Variants in IL18 observed in about 807,000 individuals in gnomAD.
IL18 encodes the protein interleukin-18.
In IL18, 8 loss-of-function variants were observed where a neutral mutation model predicts 14.2. That is an observed-to-expected ratio of 0.56 (90% CI 0.33 to 1.01). The LOEUF (loss-of-function observed/expected upper bound fraction) is 1.01. IL18 is among the 50% of genes least tolerant of loss of function. IL18 has a pLI of 0.03. For missense variants in IL18, 166 were observed against 231.1 expected (o/e 0.72, Z 1.83); for synonymous variants, 67 against 71.0 (o/e 0.94, Z 0.28).
chr11:112,144,193 G>A (rs754262883), intron 5 of IL18, among the ~76,000 whole-genome samples: 26 of 152,272 alleles, frequency 1.7e-4, no homozygotes, highest in Non-Finnish European at 2.8e-4. Flanking sequence ...GGCTAAAGAC[G>A]ATGATGACCT....
intron 1 of IL18, 89 bp downstream of exon 1, chr11:112,163,817 G>A (rs1187525292): frequency 6.6e-6 from 1 of 152,252 alleles, no homozygotes; most frequent in Non-Finnish European, 1.5e-5. Flanking sequence ...GATGCTAGAT[G>A]GTTTATATTC....
intron 1 of IL18, among the ~76,000 whole-genome samples, chr11:112,157,207 A>C (rs1199014876): frequency 6.6e-6 from 1 of 152,234 alleles, no homozygotes; most frequent in Non-Finnish European, 1.5e-5. Context: ...ATTAGTTATC[A>C]GTTGGTGAAA....
chr11:112,147,971 G>C (rs900434917), intron 5 of IL18, among the ~76,000 whole-genome samples: 10 of 152,128 alleles, frequency 6.6e-5, no homozygotes, highest in Admixed American at 5.2e-4. Context: ...AATAATAATG[G>C]AGAATAATAG....
intron 3 of IL18, among the ~76,000 whole-genome samples, chr11:112,151,739 G>GT (rs1178680803): frequency 6.6e-6 from 1 of 152,190 alleles, no homozygotes; most frequent in East Asian, 1.9e-4. Flanking sequence ...TCTAAAAGCT[G>GT]TGTTCTGGCC....
chr11:112,149,313 C>T (rs1866395701), intron 4 of IL18, among the ~76,000 whole-genome samples: 1 of 151,942 alleles, frequency 6.6e-6, no homozygotes, highest in African/African-American at 2.4e-5. Flanking sequence ...AACAAACAAA[C>T]AACCCCACAG....
At chr11:112,161,606 C>G (rs1289113187) in intron 1 of IL18, among the ~76,000 whole-genome samples, 2 of 152,174 alleles carry the variant, frequency 1.3e-5, no homozygotes, top group Non-Finnish European at 2.9e-5. Flanking sequence ...CGAGACCAGC[C>G]TGGCCAACAT....
rs545570851 is a variant in IL18, at chr11:112,156,558, T to C, written c.-8-1497A>G. Reference sequence around the variant, plus strand: ...CTGGGTTCAAGCGATTCTCCCATCTTAGCCTGGGACTCCCATCTGGGACCA... The same window carrying C: ...CTGGGTTCAAGCGATTCTCCCATCTCAGCCTGGGACTCCCATCTGGGACCA... On this transcript the variant is annotated intron_variant, in intron 1 of 5. Transcript: ENST00000280357. Among the ~76,000 whole-genome samples, 45 of 152,150 alleles carry C rather than the reference T, an allele frequency of 3.0e-4. 1 individual carries two copies. The highest frequency in any genetic ancestry group is 1.1e-3 in the African/African-American group (45 of 41,516).
At chr11:112,149,698 G>A (rs1379528307) in intron 4 of IL18, among the ~76,000 whole-genome samples, 1 of 150,714 alleles carries the variant, frequency 6.6e-6, no homozygotes, top group Non-Finnish European at 1.5e-5. Flanking sequence ...CCTCCTGCTT[G>A]AGCCTCCCAA....
At chr11:112,145,514 C>T (rs985251771) in intron 5 of IL18, among the ~76,000 whole-genome samples, 2 of 152,034 alleles carry the variant, frequency 1.3e-5, no homozygotes, top group Non-Finnish European at 1.5e-5. Flanking sequence ...CTGAGGCGGG[C>T]GGATCACAAG....
At position 112,143,574 on chromosome 11, in the gene IL18, G is replaced by T; in HGVS notation, c.*22C>A. 1 of 1,531,586 alleles carries T rather than the reference G, an allele frequency of 6.5e-7. No individual in the cohort carries two copies. The highest frequency in any genetic ancestry group is 9.0e-7 in the Non-Finnish European group (1 of 1,114,418). The allele number at this position is 1,531,586 out of a possible 1,614,324, so 94.9% of individuals were successfully genotyped here. A position where few individuals can be genotyped will look rare whatever the true frequency, so the allele number is the denominator to read the frequency against. On this transcript the variant is annotated 3_prime_UTR_variant, in exon 6 of 6. Coordinates refer to ENST00000280357, the MANE Select transcript of IL18 (RefSeq NM_001562.4). ...TGGGATTACAGGCGTGAGCCACTGC[G>T]CCCGGCATGAAATTTTAATAGCTAG... is the stretch of plus-strand genomic sequence containing the variant.
rs113439401 is a variant in IL18 at position 112,160,239 on chromosome 11, C to G, written c.-9+3667G>C. On this transcript the variant is annotated intron_variant, in intron 1 of 5. Coordinates refer to ENST00000280357, the MANE Select transcript of IL18 (RefSeq NM_001562.4). Reference sequence around the variant, plus strand: ...TTTTAATACTCTTCTACTTGGTTTTCTTGCTTCCAGACTCTCCTCCATTGT... The same window carrying G: ...TTTTAATACTCTTCTACTTGGTTTTGTTGCTTCCAGACTCTCCTCCATTGT... 7.3e-5 allele frequency among the ~76,000 whole-genome samples: 11 copies of G among 151,238 alleles called. 1 individual carries two copies. Among genetic ancestry groups the G allele is most frequent in the African/African-American group, 2.7e-4 (11 of 41,256 alleles).
chr11:112,153,571 A>G lies in IL18; in HGVS notation c.91+21T>C, dbSNP rs764942645. 4 of 1,527,886 alleles carry G rather than the reference A, an allele frequency of 2.6e-6. No individual in the cohort carries two copies. In the South Asian group the frequency reaches 4.8e-5, roughly 18 times the overall value. The allele number at this position is 1,527,886 out of a possible 1,614,324, so 94.6% of individuals were successfully genotyped here. On this transcript the variant is annotated intron_variant, in intron 3 of 5. Coordinates refer to ENST00000280357, the MANE Select transcript of IL18 (RefSeq NM_001562.4). ...GCAGATACTTAGTTTGCAAAGAAAAATAAATTCATTTCTACTTTACCATCA... is the reference window on the plus strand; with the variant it reads ...GCAGATACTTAGTTTGCAAAGAAAAGTAAATTCATTTCTACTTTACCATCA...
At chr11:112,151,064 G>A (rs1159949482) in intron 3 of IL18, 2 of 151,938 alleles carry the variant, frequency 1.3e-5, no homozygotes, top group African/African-American at 4.8e-5. Context: ...CTACCTCCTG[G>A]GTTTTATCCT....
intron 1 of IL18, among the ~76,000 whole-genome samples, chr11:112,163,184 T>G (rs1356786332): frequency 6.6e-6 from 1 of 152,182 alleles, no homozygotes; most frequent in Non-Finnish European, 1.5e-5. Context: ...TTTCCTTAAT[T>G]GTGAAAGAAA....
intron 4 of IL18, among the ~76,000 whole-genome samples, 177 bp downstream of exon 4, chr11:112,149,895 A>T (rs1866408722): frequency 6.6e-6 from 1 of 152,128 alleles, no homozygotes; most frequent in Non-Finnish European, 1.5e-5. Flanking sequence ...ATTGTATCCA[A>T]TTTTTTACCC....
chr11:112,153,385 A>C (rs1303728402), intron 3 of IL18: 1 of 415,350 alleles, frequency 2.4e-6, no homozygotes, highest in Non-Finnish European at 4.4e-6. Flanking sequence ...TTTAAGGCAT[A>C]GAGAAGCATC....
chr11:112,146,726 C>T (rs1293243790), intron 5 of IL18, among the ~76,000 whole-genome samples: 1 of 152,004 alleles, frequency 6.6e-6, no homozygotes, highest in East Asian at 1.9e-4. Flanking sequence ...AAAACTGGTC[C>T]TAGTCCACCC....
intron 1 of IL18, among the ~76,000 whole-genome samples, chr11:112,160,114 G>A (rs1344060245): frequency 2.0e-5 from 3 of 152,036 alleles, no homozygotes; most frequent in African/African-American, 7.2e-5. Context: ...GATAAATACT[G>A]TAGATTCTAA....
At chr11:112,159,478 A>G (rs577358991) in intron 1 of IL18, among the ~76,000 whole-genome samples, 3 of 152,316 alleles carry the variant, frequency 2.0e-5, no homozygotes, top group South Asian at 2.1e-4. Flanking sequence ...AAGAGATACT[A>G]AACAGCGGGA....
Sources: gnomAD v4.1 joint callset for allele counts (sites outside exome capture counted in the v4.1 genomes callset) on GRCh38, gnomAD v4.1.1 for gene constraint, MANE v1.5 for transcripts, NCBI Gene and HGNC (gene_info 2026-07-23, HGNC 2026-07-21) for gene names.